TSPEAR: variants seen among roughly 807,000 people sequenced by gnomAD.
TSPEAR encodes the protein thrombospondin-type laminin G domain and EAR repeat-containing protein.
In TSPEAR, 69 loss-of-function variants were observed where a neutral mutation model predicts 71.6. The ratio of observed to expected loss-of-function variants is 0.96; its 90% confidence interval spans 0.79 to 1.18. The LOEUF is 1.18. Among genes scored for constraint, TSPEAR ranks in the 50% most tolerant of loss-of-function variants. The pLI, the probability that TSPEAR is intolerant of heterozygous loss-of-function variation, is 0.00. For missense variants in TSPEAR, 971 were observed against 894.9 expected (o/e 1.09, Z -1.09); for synonymous variants, 402 against 387.2 (o/e 1.04, Z -0.45).
intron 1 of TSPEAR, chr21:44,697,347 G>A: frequency 1.2e-6 from 2 of 1,612,712 alleles, no homozygotes; most frequent in Non-Finnish European, 1.7e-6. Context: ...CCCTGCCTGA[G>A]CCTGGTCTGC....
intron 2 of TSPEAR, chr21:44,558,339 A>C (rs1306331669): frequency 6.2e-7 from 1 of 1,613,142 alleles, no homozygotes; most frequent in Non-Finnish European, 8.5e-7. Flanking sequence ...GCAGACGGGC[A>C]CACAGCAGAT....
At chr21:44,637,493 T>G in intron 1 of TSPEAR, 1 of 1,613,442 alleles carries the variant, frequency 6.2e-7, no homozygotes, top group African/African-American at 1.3e-5. Context: ...CCCAGAGAGC[T>G]GCTGCGAGCC....
chr21:44,576,836 G>T (rs1978489954), intron 1 of TSPEAR, among the ~76,000 whole-genome samples: 1 of 152,206 alleles, frequency 6.6e-6, no homozygotes, highest in African/African-American at 2.4e-5. Context: ...ACAATGGGAT[G>T]CATGTTGTTT....
In TSPEAR at chr21:44,558,735, G is replaced by A. The variant is rs782666224; in HGVS notation, c.303+9050C>T. 4.4e-6 allele frequency: 7 copies of A among 1,577,714 alleles called. No individual in the cohort carries two copies. In the African/African-American group the frequency reaches 8.0e-5, roughly 18 times the overall value. On this transcript the variant is annotated intron_variant, in intron 2 of 11. Transcript: ENST00000323084. ...GGCCATGCTGGGGTGGGGAGGAGGT[G>A]AGCTGGGGGAGACGTGAGTGAGTGA...
chr21:44,660,122 A>T (rs1985409073), intron 1 of TSPEAR, among the ~76,000 whole-genome samples: 2 of 152,230 alleles, frequency 1.3e-5, no homozygotes, highest in Admixed American at 6.5e-5. Context: ...GGAGGGAGAC[A>T]AGAGCAAAAC....
At chr21:44,538,938 G>T in intron 2 of TSPEAR, 1 of 413,588 alleles carries the variant, frequency 2.4e-6, no homozygotes, top group Non-Finnish European at 4.4e-6. Flanking sequence ...ACCAATGTCA[G>T]CTCAAAACCA....
chr21:44,624,578 C>G (rs149282858), intron 1 of TSPEAR, among the ~76,000 whole-genome samples: 14 of 152,186 alleles, frequency 9.2e-5, no homozygotes, highest in African/African-American at 3.4e-4. Flanking sequence ...GAGTTCAATA[C>G]GAGCTGATTT....
intron 1 of TSPEAR, chr21:44,627,855 C>T (rs782207672): frequency 6.2e-7 from 1 of 1,613,926 alleles, no homozygotes; most frequent in East Asian, 2.2e-5. Flanking sequence ...GCAGACCCTC[C>T]TCCTCTGTGT....
At chr21:44,528,344 A>C (rs1221357054) in intron 6 of TSPEAR, 108 bp downstream of exon 6, 2 of 1,492,042 alleles carry the variant, frequency 1.3e-6, no homozygotes, top group African/African-American at 2.8e-5. Flanking sequence ...GCCAAGCCTG[A>C]GGTCATTCAG....
intron 1 of TSPEAR, chr21:44,591,946 C>T (rs1979927848): frequency 6.2e-7 from 1 of 1,602,396 alleles, no homozygotes; most frequent in Non-Finnish European, 8.5e-7. Flanking sequence ...GGACACACAG[C>T]TCACACAGCT....
At chr21:44,580,357 G>A in intron 1 of TSPEAR, 1 of 1,613,744 alleles carries the variant, frequency 6.2e-7, no homozygotes, top group Non-Finnish European at 8.5e-7. Context: ...AAGCCGGCTG[G>A]CAGCACGAGG....
At chr21:44,557,714 C>CG in intron 2 of TSPEAR, 1 of 343,572 alleles carries the variant, frequency 2.9e-6, no homozygotes, top group Non-Finnish European at 5.4e-6. Flanking sequence ...AGGCCAGAGT[C>CG]CCGAAGCTCC....
chr21:44,635,703 T>C (rs868923279), intron 1 of TSPEAR, among the ~76,000 whole-genome samples: 2 of 152,196 alleles, frequency 1.3e-5, no homozygotes, highest in African/African-American at 2.4e-5. Flanking sequence ...GGAGCGATGA[T>C]AGTATTCTGG....
chr21:44,571,881 G>A (rs587704066), intron 1 of TSPEAR, among the ~76,000 whole-genome samples: 32 of 152,370 alleles, frequency 2.1e-4, no homozygotes, highest in African/African-American at 6.7e-4. Flanking sequence ...CAATTAGTAA[G>A]TGTGGAAGGA....
intron 9 of TSPEAR, among the ~76,000 whole-genome samples, chr21:44,514,247 G>C (rs1183714462): frequency 1.3e-5 from 2 of 152,220 alleles, no homozygotes; most frequent in African/African-American, 4.8e-5. Flanking sequence ...GTGCTTAGGG[G>C]CTCCTGCCTG....
At chr21:44,626,223 G>A (rs1169813600) in intron 1 of TSPEAR, among the ~76,000 whole-genome samples, 1 of 152,230 alleles carries the variant, frequency 6.6e-6, no homozygotes, top group Non-Finnish European at 1.5e-5. Context: ...GGGTAGCAAT[G>A]TTCCTGGAAA....
chr21:44,601,562 G>C, intron 1 of TSPEAR: 1 of 1,612,958 alleles, frequency 6.2e-7, no homozygotes, highest in Non-Finnish European at 8.5e-7. Flanking sequence ...CTCCTCTGCC[G>C]CCCCGTGTGC....
chr21:44,650,214 CAA>C (rs34442804), intron 1 of TSPEAR, among the ~76,000 whole-genome samples: 25 of 145,408 alleles, frequency 1.7e-4, no homozygotes, highest in South Asian at 2.2e-4. Flanking sequence ...AGACCCTCTC[CAA>C]AAAAAAAAAA....
intron 2 of TSPEAR, among the ~76,000 whole-genome samples, chr21:44,545,032 A>G (rs1360776361): frequency 3.3e-5 from 5 of 152,090 alleles, no homozygotes; most frequent in Non-Finnish European, 7.4e-5. Context: ...TAAAAAAAAA[A>G]AAAGAGGCCA....
Sources: allele counts gnomAD v4.1 joint callset (sites outside exome capture counted in the v4.1 genomes callset), GRCh38; gene constraint gnomAD v4.1.1; transcripts MANE v1.5; gene names NCBI Gene and HGNC (gene_info 2026-07-23, HGNC 2026-07-21).